FRAS1: variants seen among roughly 807,000 people sequenced by gnomAD.
FRAS1 encodes the protein extracellular matrix organizing protein FRAS1.
Under a neutral mutation model 435.2 loss-of-function variants are expected in FRAS1, and 290 were observed. That is an observed-to-expected ratio of 0.67 (90% CI 0.61 to 0.73). The LOEUF (loss-of-function observed/expected upper bound fraction) is 0.73, where lower values mean the gene tolerates loss of function less well. FRAS1 is among the 30% of genes least tolerant of loss of function. FRAS1 has a pLI of 0.00. For missense variants in FRAS1, 4,860 were observed against 5,001.5 expected, an observed-to-expected ratio of 0.97 and a Z score of 0.85; for synonymous variants, 1,800 against 1,851.0, an observed-to-expected ratio of 0.97 and a Z score of 0.71.
intron 58 of FRAS1, among the ~76,000 whole-genome samples, chr4:78,488,068 G>A (rs1231025296): frequency 6.6e-6 from 1 of 152,178 alleles, no homozygotes; most frequent in African/African-American, 2.4e-5. Context: ...GGGAGGTAGA[G>A]GTTGCAGTGA....
rs755003937 is a variant in FRAS1 at position 78,479,551 on chromosome 4, A to G, written c.8276A>G (p.Asp2759Gly). The G allele has an allele frequency of 6.2e-7, 1 of 1,613,948 alleles. No individual in the cohort carries two copies. The highest frequency in any genetic ancestry group is 8.5e-7 in the Non-Finnish European group (1 of 1,179,838). ...TMSTCDVMLI[D>G]DSEYEEEEEF... ...TCCACCTGTGATGTCATGCTTATTG[A>G]TGACAGCGAGTATGAAGAGGAAGAA... Residue 2759 changes from aspartate to glycine, a missense_variant, in exon 56 of 74, where the codon GAT becomes GGT. Asp to Gly is a moderately conservative substitution (Grantham distance 94). Transcript: ENST00000512123.
intron 2 of FRAS1, chr4:78,181,001 G>A (rs936431771): frequency 1.9e-5 from 30 of 1,608,438 alleles, no homozygotes; most frequent in Non-Finnish European, 2.3e-5. Context: ...CACGTCCTGG[G>A]CGGCCAAGGT....
chr4:78,274,855 T>C (rs1726912622), intron 9 of FRAS1, among the ~76,000 whole-genome samples: 1 of 152,196 alleles, frequency 6.6e-6, no homozygotes, highest in Non-Finnish European at 1.5e-5. Flanking sequence ...CTGAGTTCAA[T>C]TCCTGGATAT....
At chr4:78,199,102 C>A (rs7695549) in intron 2 of FRAS1, among the ~76,000 whole-genome samples, 38,194 of 151,998 alleles carry the variant, frequency 0.25, 5,716 homozygotes, top group East Asian at 0.37. Context: ...AGAGCAGGAA[C>A]AATTTTTACA....
rs1423068125 is a variant in FRAS1, at chr4:78,445,659, G to A, written c.5803G>A (p.Val1935Met). The A allele has an allele frequency of 6.2e-7, 1 of 1,613,892 alleles. No individual in the cohort carries two copies. Among genetic ancestry groups the A allele is most frequent in the African/African-American group, 1.3e-5 (1 of 75,036 alleles). ...EPTHDIFSFY[V>M]SDGTSRSEIH... is the part of the protein sequence containing the mutation. ...AACCCATGATATTTTTAGTTTTTAT[G>A]TGAGTGATGGAACCAGTCGTTCAGA... The change falls in exon 42 of 74, where the codon GTG becomes ATG. Residue 1935 changes from valine to methionine, a missense_variant. Transcript: ENST00000512123.
At chr4:78,338,167 A>G (rs1730251640) in intron 20 of FRAS1, 1 of 189,784 alleles carries the variant, frequency 5.3e-6, no homozygotes, top group Admixed American at 5.6e-5. Context: ...TCTTGTCTGC[A>G]TTTTGTCCTG....
chr4:78,211,244 G>T (rs62309968), intron 2 of FRAS1, among the ~76,000 whole-genome samples: 52,020 of 152,054 alleles, frequency 0.34, 8,898 homozygotes, highest in Admixed American at 0.37. Context: ...CTGGGTGGTG[G>T]TTGCATCACT....
chr4:78,279,372 A>T (rs1727211073), intron 10 of FRAS1, among the ~76,000 whole-genome samples: 1 of 152,172 alleles, frequency 6.6e-6, no homozygotes, highest in Admixed American at 6.6e-5. Context: ...TTTTGAGCAG[A>T]AGAGCGCTGG....
intron 27 of FRAS1, 66 bp downstream of exon 27, chr4:78,380,062 C>G: frequency 3.9e-6 from 6 of 1,532,346 alleles, no homozygotes; most frequent in Non-Finnish European, 5.3e-6. Context: ...CTCCTCCACC[C>G]TGTCCCAGCC....
intron 18 of FRAS1, among the ~76,000 whole-genome samples, chr4:78,328,993 T>C (rs1287558786): frequency 6.6e-6 from 1 of 152,152 alleles, no homozygotes; most frequent in Non-Finnish European, 1.5e-5. Context: ...CACCCAGAAC[T>C]TTGGAAATTG....
At chr4:78,332,904 G>T (rs168282) in intron 18 of FRAS1, among the ~76,000 whole-genome samples, 1 of 152,032 alleles carries the variant, frequency 6.6e-6, no homozygotes, top group Non-Finnish European at 1.5e-5. Flanking sequence ...TGAGCAACCC[G>T]ATAAGCAGCA....
intron 59 of FRAS1, among the ~76,000 whole-genome samples, chr4:78,493,655 G>A (rs1720431268): frequency 6.6e-6 from 1 of 152,150 alleles, no homozygotes; most frequent in South Asian, 2.1e-4. Flanking sequence ...GGGCCTGTCT[G>A]GGTGGTGGGG....
intron 29 of FRAS1, among the ~76,000 whole-genome samples, chr4:78,398,478 A>T (rs530662552): frequency 6.6e-6 from 1 of 152,336 alleles, no homozygotes; most frequent in African/African-American, 2.4e-5. Context: ...CACAGGAATT[A>T]TAGAGAATTG....
intron 71 of FRAS1, among the ~76,000 whole-genome samples, chr4:78,536,452 G>A (rs1721884815): frequency 6.6e-6 from 1 of 152,152 alleles, no homozygotes; most frequent in Non-Finnish European, 1.5e-5. Context: ...TTTGGTTTGA[G>A]AGCATAGTAC....
At chr4:78,302,152 A>G (rs1353172613) in intron 14 of FRAS1, among the ~76,000 whole-genome samples, 1 of 149,284 alleles carries the variant, frequency 6.7e-6, no homozygotes, top group African/African-American at 2.6e-5. Flanking sequence ...ATGATTTCCA[A>G]TTTCATCCAT....
At chr4:78,423,282 C>T (rs549710476) in intron 34 of FRAS1, among the ~76,000 whole-genome samples, 1 of 152,034 alleles carries the variant, frequency 6.6e-6, no homozygotes, top group East Asian at 1.9e-4. Context: ...TTCTCCTGCC[C>T]CAGCCTCCCG....
rs762597685 is a variant in FRAS1 at position 78,508,926 on chromosome 4, G to A, written c.9700G>A (p.Ala3234Thr). The A allele has an allele frequency of 6.2e-7, 1 of 1,613,936 alleles. No individual in the cohort carries two copies. Among genetic ancestry groups the A allele is most frequent in the South Asian group, 1.1e-5 (1 of 91,070 alleles). Residue 3234 changes from alanine to threonine, a missense_variant, in exon 63 of 74, where the codon GCC becomes ACC. Ala to Thr is a moderately conservative substitution (Grantham distance 58, BLOSUM62 0). Coordinates refer to ENST00000512123, the MANE Select transcript of FRAS1 (RefSeq NM_025074.7). ...TGTGCAGTTCAGCTGGGAAGTGGCT[G>A]CCCCCACTGATGGCAATGGGGCCCG... ...TSVQFSWEVA[A>T]PTDGNGARSP...
intron 2 of FRAS1, among the ~76,000 whole-genome samples, chr4:78,171,331 C>T (rs3905469): frequency 6.6e-6 from 1 of 152,170 alleles, no homozygotes; most frequent in Non-Finnish European, 1.5e-5. Context: ...AGATTTGAAC[C>T]TGGGCCCTGT....
rs372841213 is a variant in FRAS1, at chr4:78,095,611, A to T, written c.108+29595A>T. 4.2e-4 allele frequency among the ~76,000 whole-genome samples: 64 copies of T among 152,378 alleles called. 2 individuals carry two copies. Among genetic ancestry groups the T allele is most frequent in the African/African-American group, 1.5e-3 (64 of 41,598 alleles). The stretch of plus-strand genomic sequence containing the variant: ...CAAGTGGCTGTGGAGGAGTCCTCAC[A>T]ATCATGGCGGAAGCCAAGGAGGAAC... On this transcript the variant is annotated intron_variant, in intron 2 of 73. Coordinates refer to ENST00000512123, the MANE Select transcript of FRAS1 (RefSeq NM_025074.7).
Sources: gnomAD v4.1 joint callset for allele counts (sites outside exome capture counted in the v4.1 genomes callset) on GRCh38, gnomAD v4.1.1 for gene constraint, MANE v1.5 for transcripts, NCBI Gene and HGNC (gene_info 2026-07-23, HGNC 2026-07-21) for gene names.